The following CFAP54 variants were observed in gnomAD, a reference collection of about 807,000 sequenced individuals.
The protein encoded by CFAP54 is cilia and flagella associated protein 54.
CFAP54 carries 290 observed loss-of-function variants against 370.4 expected under a neutral mutation model. The ratio of observed to expected loss-of-function variants is 0.78; its 90% CI spans 0.71 to 0.86. The LOEUF is 0.86. Ranked by LOEUF, CFAP54 falls within the 40% of genes least tolerant of loss-of-function variation. The pLI is 0.00. For missense variants in CFAP54, 3,399 were observed against 3,528.7 expected (o/e 0.96, Z 0.93); for synonymous variants, 1,206 against 1,236.5 (o/e 0.98, Z 0.52).
intron 63 of CFAP54, among the ~76,000 whole-genome samples, chr12:96,796,732 T>G (rs1198981499): frequency 6.6e-6 from 1 of 152,228 alleles, no homozygotes; most frequent in Non-Finnish European, 1.5e-5. Flanking sequence ...ACCATTTTAT[T>G]TAAAATTCCT....
At chr12:96,667,819 G>A (rs1298749450) in intron 39 of CFAP54, among the ~76,000 whole-genome samples, 2 of 152,068 alleles carry the variant, frequency 1.3e-5, no homozygotes, top group African/African-American at 4.8e-5. Flanking sequence ...TTTTTCTTTT[G>A]TACTGCATTG....
At chr12:96,825,856 A>C (rs1959094538) in intron 65 of CFAP54, among the ~76,000 whole-genome samples, 1 of 136,330 alleles carries the variant, frequency 7.3e-6, no homozygotes, top group South Asian at 2.2e-4. Context: ...ATAATATATA[A>C]ATTAATATAT....
chr12:96,793,402 G>T (rs570429371), intron 63 of CFAP54, among the ~76,000 whole-genome samples: 1 of 148,382 alleles, frequency 6.7e-6, no homozygotes, highest in African/African-American at 2.4e-5. Flanking sequence ...ATTCCATGGT[G>T]TGTATGTGTG....
At chr12:96,514,978 G>A (rs769992502) in intron 5 of CFAP54, among the ~76,000 whole-genome samples, 2 of 150,090 alleles carry the variant, frequency 1.3e-5, no homozygotes, top group Non-Finnish European at 3.0e-5. Flanking sequence ...AACTTAAATC[G>A]CCTGTAAAAT....
chr12:96,777,020 C>CGTCA (rs1265780444), intron 60 of CFAP54, among the ~76,000 whole-genome samples: 1 of 152,102 alleles, frequency 6.6e-6, no homozygotes, highest in Non-Finnish European at 1.5e-5. Context: ...GCAGCACACC[C>CGTCA]GTCAGTTGTT....
intron 57 of CFAP54, 91 bp from the exon 58 acceptor site, chr12:96,757,404 A>G: frequency 1.6e-6 from 1 of 638,648 alleles, no homozygotes; most frequent in African/African-American, 1.9e-5. Flanking sequence ...GCCAGTTTTT[A>G]CCTTTCATCA....
chr12:96,737,846 T>G (rs980023743), intron 50 of CFAP54, among the ~76,000 whole-genome samples: 3 of 150,912 alleles, frequency 2.0e-5, no homozygotes, highest in African/African-American at 7.5e-5. Flanking sequence ...ATGTACCCCT[T>G]CTGGGAGCCT....
chr12:96,776,751 C>G (rs1009905612), intron 60 of CFAP54, among the ~76,000 whole-genome samples: 1 of 152,176 alleles, frequency 6.6e-6, no homozygotes, highest in African/African-American at 2.4e-5. Flanking sequence ...TATCAAAATA[C>G]ATTAGTCTGT....
chr12:96,512,327 A>G (rs201788081), intron 4 of CFAP54, among the ~76,000 whole-genome samples: 9 of 35,362 alleles, frequency 2.5e-4, no homozygotes, highest in Admixed American at 1.6e-3. Flanking sequence ...ATATATATAT[A>G]TATATATATA....
chr12:96,726,285 G>A (rs1244892755), intron 50 of CFAP54, among the ~76,000 whole-genome samples: 14 of 152,088 alleles, frequency 9.2e-5, no homozygotes, highest in African/African-American at 2.2e-4. Flanking sequence ...GGTAGAATTC[G>A]GCTATGAATC....
chr12:96,872,441 T>A (rs1175290855), intron 67 of CFAP54, among the ~76,000 whole-genome samples: 1 of 152,040 alleles, frequency 6.6e-6, no homozygotes, highest in African/African-American at 2.4e-5. Context: ...ACCAACAGAT[T>A]GAAAATAGAA....
At chr12:96,666,532 C>T (rs939937078) in intron 39 of CFAP54, among the ~76,000 whole-genome samples, 7 of 152,180 alleles carry the variant, frequency 4.6e-5, no homozygotes, top group African/African-American at 1.7e-4. Context: ...AAAGGAGGAG[C>T]AAAGGCACAT....
intron 66 of CFAP54, among the ~76,000 whole-genome samples, chr12:96,852,946 C>T (rs1202378325): frequency 6.6e-6 from 1 of 152,026 alleles, no homozygotes; most frequent in Non-Finnish European, 1.5e-5. Context: ...GGAACAGCCA[C>T]TGTTTTAAAC....
At chr12:96,692,964 TA>T (rs1957402335) in intron 44 of CFAP54, among the ~76,000 whole-genome samples, 1 of 152,162 alleles carries the variant, frequency 6.6e-6, no homozygotes, top group South Asian at 2.1e-4. Context: ...GTTCCAGTGT[TA>T]GGCAAAACTG....
At position 96,634,537 on chromosome 12, in the gene CFAP54, A is replaced by G. The variant is rs532565392; in HGVS notation, c.4316+3886A>G. On this transcript the variant is annotated intron_variant, in intron 32 of 67. Transcript: ENST00000524981. ...TTATTGGCAAATACTTTTTCCCAGT[A>G]TGTGGCTTGTCTTCTCATCCTCTTC... Among the ~76,000 whole-genome samples, 285 of 152,262 alleles carry G rather than the reference A, an allele frequency of 1.9e-3. 1 individual carries two copies. In the South Asian group the frequency reaches 0.019, roughly 10 times the overall value.
intron 66 of CFAP54, among the ~76,000 whole-genome samples, chr12:96,837,959 G>A (rs1959191690): frequency 6.6e-6 from 1 of 152,230 alleles, no homozygotes; most frequent in African/African-American, 2.4e-5. Flanking sequence ...CCATTTCTCT[G>A]AAGGTGATAC....
intron 50 of CFAP54, among the ~76,000 whole-genome samples, chr12:96,726,142 T>C (rs1327900896): frequency 6.6e-6 from 1 of 150,782 alleles, no homozygotes; most frequent in Non-Finnish European, 1.5e-5. Context: ...ATTCTCTTTT[T>C]TGGTTGTGTC....
At chr12:96,590,443 C>T (rs184249955) in intron 23 of CFAP54, among the ~76,000 whole-genome samples, 1 of 152,290 alleles carries the variant, frequency 6.6e-6, no homozygotes, top group Admixed American at 6.5e-5. Flanking sequence ...CAAGAATCTC[C>T]CTCACCTGGT....
intron 48 of CFAP54, among the ~76,000 whole-genome samples, chr12:96,716,274 T>C (rs1369679161): frequency 6.6e-6 from 1 of 152,258 alleles, no homozygotes; most frequent in African/African-American, 2.4e-5. Flanking sequence ...TCTTTTATTT[T>C]AGAAAATTTG....
Sources: gnomAD v4.1 joint callset for allele counts (sites outside exome capture counted in the v4.1 genomes callset) on GRCh38, gnomAD v4.1.1 for gene constraint, MANE v1.5 for transcripts, NCBI Gene and HGNC (gene_info 2026-07-23, HGNC 2026-07-21) for gene names.